ANO3: variants seen among roughly 807,000 people sequenced by gnomAD.
ANO3 encodes the protein anoctamin-3.
Under a neutral mutation model 144.8 loss-of-function variants are expected in ANO3, and 99 were observed. The observed-to-expected ratio is 0.68, with a 90% CI of 0.58 to 0.81. The LOEUF (loss-of-function observed/expected upper bound fraction) is 0.81. Ranked by LOEUF, ANO3 falls within the 30% of genes least tolerant of loss-of-function variation. The pLI, the probability that ANO3 is intolerant of heterozygous loss-of-function variation, is 0.00. For synonymous variants in ANO3, 414 were observed against 392.6 expected, an observed-to-expected ratio of 1.05 and a Z score of -0.64; for missense variants, 905 against 1,202.2, an observed-to-expected ratio of 0.75 and a Z score of 3.66.
intron 15 of ANO3, among the ~76,000 whole-genome samples, 163 bp downstream of exon 15, chr11:26,598,610 A>G (rs770654280): frequency 7.0e-4 from 107 of 152,240 alleles, no homozygotes; most frequent in Non-Finnish European, 5.0e-4. Flanking sequence ...ATAGAGATCA[A>G]TGAAGTATGT....
chr11:26,565,350 A>T (rs750485843), intron 14 of ANO3: 16 of 1,612,722 alleles, frequency 9.9e-6, no homozygotes, highest in Non-Finnish European at 1.3e-5. Flanking sequence ...TGAAGAGAGG[A>T]TGCTAACTGT....
intron 3 of ANO3, among the ~76,000 whole-genome samples, chr11:26,449,508 C>T (rs1858838281): frequency 2.0e-5 from 1 of 49,776 alleles, no homozygotes; most frequent in Admixed American, 2.3e-4. Context: ...CACACACACA[C>T]ACACACACAC....
chr11:26,300,260 G>GAC (rs369737444), intron 1 of ANO3, among the ~76,000 whole-genome samples: 24 of 151,570 alleles, frequency 1.6e-4, no homozygotes, highest in African/African-American at 5.8e-4. Context: ...ACACCAAACA[G>GAC]ACACACACAC....
At chr11:26,506,894 CAGTCAG>C (rs1191923838) in intron 4 of ANO3, among the ~76,000 whole-genome samples, 1 of 152,152 alleles carries the variant, frequency 6.6e-6, no homozygotes, top group African/African-American at 2.4e-5. Flanking sequence ...CTATCTGCCC[CAGTCAG>C]AGTCCTCCAA....
At chr11:26,365,967 TATATATATATATATATATATATATATA>T (rs1228654364) in intron 1 of ANO3, among the ~76,000 whole-genome samples, 13 of 1,630 alleles carry the variant, frequency 8.0e-3, no homozygotes, top group Admixed American at 0.058. Flanking sequence ...TATATATATA[TATATATATATATATATATATATATATA>T]TATATATATT....
intron 1 of ANO3, among the ~76,000 whole-genome samples, chr11:26,368,720 C>A (rs373309971): frequency 6.6e-6 from 1 of 151,800 alleles, no homozygotes; most frequent in Admixed American, 6.6e-5. Flanking sequence ...ATGTATAAAT[C>A]TTTAGGCCTA....
intron 1 of ANO3, among the ~76,000 whole-genome samples, chr11:26,274,285 C>T (rs1853511291): frequency 6.6e-6 from 1 of 151,920 alleles, no homozygotes; most frequent in Non-Finnish European, 1.5e-5. Context: ...TAACAATATA[C>T]AAATAAACAA....
intron 6 of ANO3, among the ~76,000 whole-genome samples, chr11:26,521,601 G>A (rs1862078839): frequency 6.6e-6 from 1 of 152,064 alleles, no homozygotes; most frequent in Non-Finnish European, 1.5e-5. Context: ...AATTTCAAAG[G>A]TTTATAATAG....
chr11:26,246,091 A>T (rs892501466), intron 1 of ANO3, among the ~76,000 whole-genome samples: 20 of 152,058 alleles, frequency 1.3e-4, no homozygotes, highest in African/African-American at 4.8e-4. Context: ...AGAAGAGGAG[A>T]GATTGGAGAG....
At chr11:26,454,455 T>G (rs758297754) in intron 3 of ANO3, among the ~76,000 whole-genome samples, 10 of 152,034 alleles carry the variant, frequency 6.6e-5, no homozygotes, top group South Asian at 2.1e-4. Flanking sequence ...ACACCTCTAC[T>G]CAAATAAACT....
intron 1 of ANO3, among the ~76,000 whole-genome samples, chr11:26,267,295 T>C (rs756047211): frequency 3.3e-5 from 5 of 152,118 alleles, no homozygotes; most frequent in East Asian, 1.9e-4. Flanking sequence ...TTTGAAAGTA[T>C]GTATGCAGAG....
rs1319003382 is a variant in ANO3, at chr11:26,495,104, T to TTTAC, written c.433-12997_433-12996insCTTA. On this transcript the variant is annotated intron_variant, in intron 4 of 26. Coordinates refer to ENST00000256737, the MANE Select transcript of ANO3 (RefSeq NM_031418.4). ...ATTTATTTATTTATTTATTTATTTA[T>TTTAC]TTATTTATTTATTTATTTGAGACAG... Among the ~76,000 whole-genome samples the TTTAC allele has an allele frequency of 4.3e-3, 644 of 150,334 alleles. 4 individuals carry two copies. The highest frequency in any genetic ancestry group is 0.015 in the African/African-American group (609 of 40,924).
intron 6 of ANO3, among the ~76,000 whole-genome samples, chr11:26,524,569 G>A (rs1849116118): frequency 6.6e-6 from 1 of 152,088 alleles, no homozygotes; most frequent in African/African-American, 2.4e-5. Flanking sequence ...TTAGTGATGG[G>A]GATAAAGAGG....
intron 1 of ANO3, among the ~76,000 whole-genome samples, chr11:26,269,868 T>G (rs892720533): frequency 2.6e-5 from 4 of 152,306 alleles, no homozygotes; most frequent in African/African-American, 9.6e-5. Context: ...TGTGACCATA[T>G]TTGAAGATAG....
intron 4 of ANO3, among the ~76,000 whole-genome samples, chr11:26,482,738 A>G (rs1860272870): frequency 6.6e-6 from 1 of 152,074 alleles, no homozygotes; most frequent in African/African-American, 2.4e-5. Context: ...TCATTAAGTA[A>G]TTTCTCATTT....
intron 14 of ANO3, among the ~76,000 whole-genome samples, chr11:26,581,036 A>G (rs544823741): frequency 1.2e-3 from 177 of 152,334 alleles, no homozygotes; most frequent in Non-Finnish European, 2.2e-3. Flanking sequence ...AAGAAGTTAC[A>G]GATCATATAG....
chr11:26,273,543 A>G (rs1291797588), intron 1 of ANO3, among the ~76,000 whole-genome samples: 2 of 152,046 alleles, frequency 1.3e-5, no homozygotes, highest in Non-Finnish European at 2.9e-5. Context: ...AATTTCTGCT[A>G]AAGAAAACTG....
rs1050055914 is a variant in ANO3, at chr11:26,580,382, G to A, written c.1448-17983G>A. Among the ~76,000 whole-genome samples the A allele has an allele frequency of 5.9e-5, 9 of 152,026 alleles. No homozygotes were observed. In the East Asian group the frequency reaches 7.7e-4, roughly 13 times the overall value. The stretch of plus-strand genomic sequence containing the variant: ...CATAATTCATCACTGGCAGTATTAC[G>A]TACATTTTTAAGATTGTTGTGAATT... On this transcript the variant is annotated intron_variant, in intron 14 of 26. Transcript: ENST00000256737.
At chr11:26,445,815 T>C (rs1047606521) in intron 3 of ANO3, among the ~76,000 whole-genome samples, 1 of 151,970 alleles carries the variant, frequency 6.6e-6, no homozygotes, top group Non-Finnish European at 1.5e-5. Context: ...GAGTGTTTTT[T>C]ATTATTTTAT....
Sources: allele counts gnomAD v4.1 joint callset (sites outside exome capture counted in the v4.1 genomes callset), GRCh38; gene constraint gnomAD v4.1.1; transcripts MANE v1.5; gene names NCBI Gene and HGNC (gene_info 2026-07-23, HGNC 2026-07-21).